The following CYTH3 variants were observed in gnomAD, a reference collection of about 807,000 sequenced individuals.
CYTH3 encodes the protein cytohesin-3.
CYTH3 carries 23 observed loss-of-function variants against 55.1 expected under a neutral mutation model. That is an observed-to-expected ratio of 0.42 (90% CI 0.30 to 0.59). The LOEUF (loss-of-function observed/expected upper bound fraction) is 0.59, where lower values mean the gene tolerates loss of function less well. Among genes scored for constraint, CYTH3 ranks in the 20% least tolerant of loss-of-function variants. The probability of loss-of-function intolerance (pLI) is 0.20; values close to 1 mark genes in which losing one functional copy is unlikely to be tolerated. For missense variants in CYTH3, 413 were observed against 524.8 expected (o/e 0.79, Z 2.08); for synonymous variants, 249 against 194.9 (o/e 1.28, Z -2.31).
intron 10 of CYTH3, 34 bp from the exon 11 acceptor site, chr7:6,165,650 T>C (rs1251130122): frequency 6.2e-7 from 1 of 1,612,980 alleles, no homozygotes; most frequent in African/African-American, 1.3e-5. Context: ...GGGCTCACTG[T>C]GGGTCACCAG....
In CYTH3 at chr7:6,162,425, G is replaced by C. The variant is rs10228155; in HGVS notation, c.*2519C>G. On this transcript the variant is annotated 3_prime_UTR_variant, in exon 13 of 13. Transcript: ENST00000350796. The stretch of plus-strand genomic sequence containing the variant: ...AAGCCCTGCGCTCAGACGTCAGGGT[G>C]GGGAGGAGGAGGACTGTGATTGTGA... 8 of 152,372 alleles carry C rather than the reference G, an allele frequency of 5.3e-5. No individual in the cohort carries two copies. Among genetic ancestry groups the C allele is most frequent in the African/African-American group, 1.9e-4 (8 of 41,536 alleles). 9.4% of individuals were successfully genotyped at this position (152,372 alleles called of 1,614,324 possible).
At chr7:6,237,359 G>A (rs1017912923) in intron 1 of CYTH3, among the ~76,000 whole-genome samples, 7 of 152,126 alleles carry the variant, frequency 4.6e-5, no homozygotes, top group East Asian at 1.9e-4. Flanking sequence ...CTACACTGAC[G>A]AAATTAGTTA....
chr7:6,226,677 C>A (rs1779260320), intron 1 of CYTH3, among the ~76,000 whole-genome samples: 1 of 152,154 alleles, frequency 6.6e-6, no homozygotes, highest in Non-Finnish European at 1.5e-5. Context: ...CAGTCAGCAT[C>A]TCAAAGTAAA....
chr7:6,220,241 G>T (rs1037449353), intron 1 of CYTH3, among the ~76,000 whole-genome samples: 1 of 152,070 alleles, frequency 6.6e-6, no homozygotes, highest in Non-Finnish European at 1.5e-5. Context: ...GTCCAATGCA[G>T]AACAGATATT....
At chr7:6,266,389 A>G (rs1186679835) in intron 1 of CYTH3, among the ~76,000 whole-genome samples, 1 of 152,216 alleles carries the variant, frequency 6.6e-6, no homozygotes, top group African/African-American at 2.4e-5. Flanking sequence ...ATTAAGACGC[A>G]GAAAGTACAC....
Position 6,170,865 on chromosome 7 carries a change from T to A in CYTH3, c.676A>T (p.Asn226Tyr). The change falls in exon 8 of 13, where the codon AAC (asparagine) becomes TAC (tyrosine). Residue 226 changes from asparagine (N) to tyrosine (Y), a missense_variant. Asn to Tyr is a moderately radical substitution (Grantham distance 143, BLOSUM62 -2). Transcript: ENST00000350796. This position sits in a 1 kb window ranked among gnomAD's most constrained non-coding sequence, Gnocchi z 7.8. Reference protein sequence around the residue: ...ERFIAMNRGINEGGDLPEELL... With the variant: ...ERFIAMNRGIYEGGDLPEELL... ...TCCTCAGGGAGGTCCCCGCCCTCGT[T>A]GATGCCGCGGTTCATGGCGATGAAC... is the stretch of plus-strand genomic sequence containing the variant. The A allele has an allele frequency of 6.2e-7, 1 of 1,613,442 alleles. No individual in the cohort carries two copies. Among genetic ancestry groups the A allele is most frequent in the Non-Finnish European group, 8.5e-7 (1 of 1,179,714 alleles).
chr7:6,210,398 T>C (rs1784296525), intron 1 of CYTH3, among the ~76,000 whole-genome samples: 1 of 152,218 alleles, frequency 6.6e-6, no homozygotes, highest in Admixed American at 6.5e-5. Context: ...ACAAGTCCTC[T>C]TGAAGATGCG....
chr7:6,164,225 A>AGGGCTGC lies in CYTH3; in HGVS notation c.*712_*718dup, dbSNP rs1782921193. 1 of 152,414 alleles carries AGGGCTGC rather than the reference A, an allele frequency of 6.6e-6. No individual in the cohort carries two copies. The highest frequency in any genetic ancestry group is 6.6e-5 in the Admixed American group (1 of 15,266). The allele number at this position is 152,414 out of a possible 1,614,324, so 9.4% of individuals were successfully genotyped here. On this transcript the variant is annotated 3_prime_UTR_variant, in exon 13 of 13. Transcript: ENST00000350796. The stretch of plus-strand genomic sequence containing the variant: ...GGCTTGTCTGACAGCCTGACAGGGC[A>AGGGCTGC]GGGCTGCACGCTGCCCCCGTGCCGG...
intron 6 of CYTH3, chr7:6,172,973 GAGA>G: frequency 8.9e-7 from 1 of 1,123,108 alleles, no homozygotes; most frequent in Non-Finnish European, 1.1e-6. Flanking sequence ...CCGAAGATTT[GAGA>G]AGATGACGAG....
intron 4 of CYTH3, among the ~76,000 whole-genome samples, chr7:6,179,165 T>C (rs1280447088): frequency 6.6e-6 from 1 of 152,210 alleles, no homozygotes; most frequent in Non-Finnish European, 1.5e-5. Flanking sequence ...CAGTACATTC[T>C]GGCATAATCA....
chr7:6,201,565 G>C (rs763146636), intron 1 of CYTH3, among the ~76,000 whole-genome samples: 4 of 152,246 alleles, frequency 2.6e-5, no homozygotes, highest in East Asian at 1.9e-4. Context: ...CAAGAGAAGG[G>C]ATCCAGTACA....
At chr7:6,179,703 C>A (rs1185365379) in intron 4 of CYTH3, among the ~76,000 whole-genome samples, 3 of 103,630 alleles carry the variant, frequency 2.9e-5, no homozygotes, top group African/African-American at 4.1e-5. Context: ...CACACACACC[C>A]CACACACACC....
intron 1 of CYTH3, among the ~76,000 whole-genome samples, chr7:6,250,617 G>T (rs1048066998): frequency 1.1e-4 from 17 of 152,200 alleles, no homozygotes; most frequent in Admixed American, 1.0e-3. Context: ...CATATTCTAT[G>T]ATTCCATTTA....
rs181080074 is a variant in CYTH3 at position 6,249,355 on chromosome 7, C to G, written c.34+23119G>C. 1.7e-4 allele frequency among the ~76,000 whole-genome samples: 26 copies of G among 152,308 alleles called. No individual in the cohort carries two copies. The East Asian group carries it at 5.0e-3, about 29-fold the overall frequency. Reference sequence around the variant, plus strand: ...CCATTGAGTTCCAATTCTCCCCAGGCAAGGAATCCAATCTCTGTAAAGAAA... The same window carrying G: ...CCATTGAGTTCCAATTCTCCCCAGGGAAGGAATCCAATCTCTGTAAAGAAA... On this transcript the variant is annotated intron_variant, in intron 1 of 12. Transcript: ENST00000350796.
chr7:6,184,122 G>A (rs913415246), intron 4 of CYTH3, among the ~76,000 whole-genome samples: 8 of 138,820 alleles, frequency 5.8e-5, no homozygotes, highest in African/African-American at 1.9e-4. Flanking sequence ...GTGCAGGGGC[G>A]GAATCTCGGC....
At chr7:6,272,410 G>GGGGGGGGGGCCCCCC in intron 1 of CYTH3, 64 bp downstream of exon 1, 5 of 1,216,608 alleles carry the variant, frequency 4.1e-6, no homozygotes, top group Non-Finnish European at 5.3e-6. Context: ...CCGCGCCCTC[G>GGGGGGGGGGCCCCCC]ACCCCCAGCC....
chr7:6,229,171 G>A (rs1484812252), intron 1 of CYTH3, among the ~76,000 whole-genome samples: 1 of 152,148 alleles, frequency 6.6e-6, no homozygotes, highest in Non-Finnish European at 1.5e-5. Flanking sequence ...TATCAAAGTT[G>A]GCCAGAATGC....
At position 6,171,119 on chromosome 7, in the gene CYTH3, C is replaced by A. The variant is rs892710603; in HGVS notation, c.562+83G>T. On this transcript the variant is annotated intron_variant, in intron 7 of 12. Coordinates refer to ENST00000350796, the MANE Select transcript of CYTH3 (RefSeq NM_004227.4). This position sits in a 1 kb window ranked among gnomAD's most constrained non-coding sequence, Gnocchi z 6.7. ...GAAGGCAGGTCCCCAGGAACACACGCTGGGCTGTGCCCACAGGGGCCGCCC... is the reference window on the plus strand; with the variant it reads ...GAAGGCAGGTCCCCAGGAACACACGATGGGCTGTGCCCACAGGGGCCGCCC... 3.8e-6 allele frequency: 6 copies of A among 1,586,180 alleles called. No individual in the cohort carries two copies. In the Admixed American group the frequency reaches 5.1e-5, roughly 13 times the overall value.
intron 1 of CYTH3, among the ~76,000 whole-genome samples, chr7:6,210,967 G>T (rs370861747): frequency 6.6e-5 from 10 of 152,134 alleles, no homozygotes; most frequent in African/African-American, 2.4e-4. Context: ...TCGATATTCC[G>T]GAATTTTTTC....
Sources: allele counts gnomAD v4.1 joint callset (sites outside exome capture counted in the v4.1 genomes callset), GRCh38; gene constraint gnomAD v4.1.1; non-coding constraint Gnocchi (gnomAD v3.1); transcripts MANE v1.5; gene names NCBI Gene and HGNC (gene_info 2026-07-23, HGNC 2026-07-21).